Variants in ERBIN observed in about 807,000 individuals in gnomAD.
ERBIN encodes the protein erbb2 interacting protein.
A neutral mutation model predicts 158.4 loss-of-function variants in ERBIN; 60 were observed. That is an observed-to-expected ratio of 0.38 (90% CI 0.31 to 0.47). The LOEUF (loss-of-function observed/expected upper bound fraction) is 0.47. Among genes scored for constraint, ERBIN ranks in the 20% least tolerant of loss-of-function variants. The probability of loss-of-function intolerance (pLI) is 0.99; values close to 1 mark genes in which losing one functional copy is unlikely to be tolerated. For synonymous variants in ERBIN, 594 were observed against 557.2 expected, an observed-to-expected ratio of 1.07 and a Z score of -0.93; for missense variants, 1,610 against 1,648.0, an observed-to-expected ratio of 0.98 and a Z score of 0.40.
chr5:66,070,040 C>T (rs911502874), intron 21 of ERBIN, among the ~76,000 whole-genome samples: 9 of 151,738 alleles, frequency 5.9e-5, no homozygotes, highest in South Asian at 2.1e-4. Flanking sequence ...TTTATTTATT[C>T]ATTTATTTAT....
At position 65,983,795 on chromosome 5, in the gene ERBIN, C is replaced by T. The variant is rs148915616; in HGVS notation, c.-57-4840C>T. Among the ~76,000 whole-genome samples, 43 of 152,302 alleles carry T rather than the reference C, an allele frequency of 2.8e-4. No individual in the cohort carries two copies. The South Asian group carries it at 7.7e-3, about 27-fold the overall frequency. On this transcript the variant is annotated intron_variant, in intron 1 of 25. Transcript: ENST00000284037. ...TTCTCCGCATCTCAGGGCACCCCCC[C>T]CAACTGTCTGTGGATCTGGAGACCT... is the stretch of plus-strand genomic sequence containing the variant.
intron 7 of ERBIN, among the ~76,000 whole-genome samples, chr5:66,018,454 T>TACATACACACACACA: frequency 4.5e-5 from 1 of 21,986 alleles, no homozygotes; most frequent in African/African-American, 1.6e-4. Flanking sequence ...ATAATATATA[T>TACATACACACACACA]TATATTATAT....
At chr5:65,985,931 CTTTT>C (rs955193294) in intron 1 of ERBIN, among the ~76,000 whole-genome samples, 1 of 148,012 alleles carries the variant, frequency 6.8e-6, no homozygotes, top group African/African-American at 2.5e-5. Context: ...CTCCTTGAAA[CTTTT>C]TTTTTTTCCG....
At chr5:65,948,866 C>T (rs867179171) in intron 1 of ERBIN, among the ~76,000 whole-genome samples, 3 of 145,860 alleles carry the variant, frequency 2.1e-5, no homozygotes, top group Non-Finnish European at 4.5e-5. Context: ...CAGGTTCAGG[C>T]GATTCTCTTG....
chr5:66,012,184 G>C (rs1754276259), intron 5 of ERBIN, 57 bp downstream of exon 5: 1 of 1,153,540 alleles, frequency 8.7e-7, no homozygotes, highest in African/African-American at 1.6e-5. Flanking sequence ...TATGAAACTA[G>C]TAGATATTAT....
intron 4 of ERBIN, among the ~76,000 whole-genome samples, chr5:66,004,379 C>T (rs1316971508): frequency 5.3e-5 from 8 of 151,812 alleles, no homozygotes; most frequent in African/African-American, 9.7e-5. Flanking sequence ...TCTGTGTGTG[C>T]GTGTGTGTGT....
chr5:65,946,132 A>C (rs1745711568), intron 1 of ERBIN, among the ~76,000 whole-genome samples: 1 of 152,160 alleles, frequency 6.6e-6, no homozygotes. Flanking sequence ...TGGGAGGCTG[A>C]GATGGGCAGC....
intron 1 of ERBIN, among the ~76,000 whole-genome samples, chr5:65,975,878 G>A (rs1188989841): frequency 6.6e-6 from 1 of 152,208 alleles, no homozygotes; most frequent in African/African-American, 2.4e-5. Context: ...GTCACAATCA[G>A]TTTAGAGTAT....
At position 66,026,430 on chromosome 5, in the gene ERBIN, A is replaced by AG. The variant is rs747729504; in HGVS notation, c.1136+13_1136+14insG. On this transcript the variant is annotated intron_variant, in intron 13 of 25. Transcript: ENST00000284037. ...TAAGTGATAATAGGTTCGTAATACT[A>AG]TATTCATCAGTTGGTTTATAGGAGA... is the stretch of plus-strand genomic sequence containing the variant. 1.4e-6 allele frequency: 2 copies of AG among 1,428,126 alleles called. No individual in the cohort carries two copies. Among genetic ancestry groups the AG allele is most frequent in the African/African-American group, 2.9e-5 (2 of 69,130 alleles). The allele number at this position is 1,428,126 out of a possible 1,614,324, so 88.5% of individuals were successfully genotyped here.
At position 66,053,478 on chromosome 5, in the gene ERBIN, C is replaced by G. The variant is rs776790076; in HGVS notation, c.2160C>G (p.Phe720Leu). The G allele has an allele frequency of 6.2e-7, 1 of 1,602,466 alleles. No homozygotes were observed. The highest frequency in any genetic ancestry group is 2.2e-5 in the East Asian group (1 of 44,760). ...TAAACAGTTCAACAGAGGAAAAGTT[C>G]AAAGCTCATGATAAAAAAGATTTTA... ...DILNSSTEEK[F>L]KAHDKKDFNL... Residue 720 changes from phenylalanine (F) to leucine (L), a missense_variant, in exon 21 of 26, where the codon TTC (phenylalanine) becomes TTG (leucine). Phe to Leu is a conservative substitution (Grantham distance 22). Coordinates refer to ENST00000284037, the MANE Select transcript of ERBIN (RefSeq NM_001253697.2).
chr5:66,034,506 T>A (rs530772933), intron 14 of ERBIN, among the ~76,000 whole-genome samples: 4 of 152,122 alleles, frequency 2.6e-5, no homozygotes, highest in African/African-American at 9.6e-5. Flanking sequence ...AGGCTGTTAT[T>A]GAACTCCTGA....
intron 17 of ERBIN, 104 bp downstream of exon 17, chr5:66,044,414 G>A (rs911008687): frequency 1.9e-6 from 2 of 1,051,016 alleles, no homozygotes; most frequent in Non-Finnish European, 2.7e-6. Flanking sequence ...GTGCAGTCAT[G>A]CACCACAGAA....
intron 1 of ERBIN, among the ~76,000 whole-genome samples, chr5:65,987,367 T>TACACACACACACACACCC (rs1751350985): frequency 7.4e-6 from 1 of 135,684 alleles, no homozygotes; most frequent in African/African-American, 2.8e-5. Flanking sequence ...AGAGACTGTC[T>TACACACACACACACACCC]ACACACACAC....
At chr5:66,002,205 C>T (rs142279311) in intron 4 of ERBIN, among the ~76,000 whole-genome samples, 1,690 of 152,222 alleles carry the variant, frequency 0.011, 27 homozygotes, top group African/African-American at 0.037. Flanking sequence ...TTTCTTTATC[C>T]AATCTGTCAT....
At chr5:66,014,758 AT>A in intron 7 of ERBIN, 33 bp downstream of exon 7, 1 of 1,098,918 alleles carries the variant, frequency 9.1e-7, no homozygotes, top group Non-Finnish European at 1.3e-6. Flanking sequence ...AAAAAACTTA[AT>A]TTATAATTTT....
chr5:66,014,970 A>T (rs938597847), intron 7 of ERBIN, among the ~76,000 whole-genome samples: 2 of 152,166 alleles, frequency 1.3e-5, no homozygotes, highest in African/African-American at 4.8e-5. Flanking sequence ...TGTGTGACAT[A>T]AAAGTCAAAA....
At chr5:66,019,897 C>G (rs73763062) in intron 7 of ERBIN, among the ~76,000 whole-genome samples, 8,775 of 152,168 alleles carry the variant, frequency 0.058, 886 homozygotes, top group African/African-American at 0.2. Flanking sequence ...TCAGTCTTCT[C>G]TTCCTCCTCA....
At chr5:66,051,129 A>G (rs1758978095) in intron 20 of ERBIN, among the ~76,000 whole-genome samples, 163 bp downstream of exon 20, 5 of 152,132 alleles carry the variant, frequency 3.3e-5, no homozygotes, top group Admixed American at 3.3e-4. Context: ...TTTAGTTTTT[A>G]TACATTTCCA....
At chr5:66,017,098 C>T (rs59109314) in intron 7 of ERBIN, among the ~76,000 whole-genome samples, 8,749 of 151,962 alleles carry the variant, frequency 0.058, 879 homozygotes, top group African/African-American at 0.2. Context: ...CTTCTGTTGA[C>T]GGTTATTTAA....
Sources: allele counts gnomAD v4.1 joint callset (sites outside exome capture counted in the v4.1 genomes callset), GRCh38; gene constraint gnomAD v4.1.1; transcripts MANE v1.5; gene names NCBI Gene and HGNC (gene_info 2026-07-23, HGNC 2026-07-21).